The following CDIN1 variants were observed in gnomAD, a reference collection of about 807,000 sequenced individuals.
The protein encoded by CDIN1 is CDAN1 interacting nuclease 1, also known as CDAN1-interacting nuclease 1.
A neutral mutation model predicts 45.3 loss-of-function variants in CDIN1; 33 were observed. That is an observed-to-expected ratio of 0.73 (90% confidence interval 0.55 to 0.97). The LOEUF (loss-of-function observed/expected upper bound fraction) is 0.97. Among genes scored for constraint, CDIN1 ranks in the 50% least tolerant of loss-of-function variants. The pLI is 0.00. For missense variants in CDIN1, 303 were observed against 339.4 expected (o/e 0.89, Z 0.84); for synonymous variants, 118 against 124.4 (o/e 0.95, Z 0.34).
chr15:36,774,381 T>C (rs534998942), intron 10 of CDIN1, among the ~76,000 whole-genome samples: 1 of 152,228 alleles, frequency 6.6e-6, no homozygotes, highest in African/African-American at 2.4e-5. Flanking sequence ...GGGACGTCTG[T>C]ACCATGTGTT....
intron 10 of CDIN1, among the ~76,000 whole-genome samples, chr15:36,722,257 C>T (rs2043446949): frequency 6.7e-6 from 1 of 150,324 alleles, no homozygotes; most frequent in African/African-American, 2.5e-5. Context: ...TCATTGTCAT[C>T]ATGAAAGAGA....
chr15:36,740,734 C>CA (rs2044205311), intron 10 of CDIN1, among the ~76,000 whole-genome samples: 1 of 151,932 alleles, frequency 6.6e-6, no homozygotes, highest in Non-Finnish European at 1.5e-5. Context: ...CGTAAAAATA[C>CA]AAAAATCAGC....
At chr15:36,774,161 T>TGTGTGTGCGC (rs1555407071) in intron 10 of CDIN1, among the ~76,000 whole-genome samples, 1 of 50,622 alleles carries the variant, frequency 2.0e-5, no homozygotes, top group African/African-American at 4.1e-5. Flanking sequence ...TGTGTGTGTG[T>TGTGTGTGCGC]GTGCGCGCGC....
chr15:36,788,511 T>C (rs575314649), intron 10 of CDIN1, among the ~76,000 whole-genome samples: 8 of 152,226 alleles, frequency 5.3e-5, no homozygotes, highest in African/African-American at 1.9e-4. Context: ...AGTTTTAGGA[T>C]ACCTGACCAA....
intron 10 of CDIN1, among the ~76,000 whole-genome samples, chr15:36,735,101 G>T (rs1411773517): frequency 6.6e-6 from 1 of 152,178 alleles, no homozygotes; most frequent in Non-Finnish European, 1.5e-5. Context: ...TCAGTGGATT[G>T]AATAATACTT....
At chr15:36,745,873 G>A (rs1167528829) in intron 10 of CDIN1, among the ~76,000 whole-genome samples, 1 of 152,064 alleles carries the variant, frequency 6.6e-6, no homozygotes, top group South Asian at 2.1e-4. Context: ...GGCTAAGGCA[G>A]GAGAATCGCT....
At chr15:36,646,159 G>A (rs915513890) in intron 3 of CDIN1, among the ~76,000 whole-genome samples, 7 of 152,106 alleles carry the variant, frequency 4.6e-5, no homozygotes, top group African/African-American at 1.4e-4. Flanking sequence ...GAACCTTTCT[G>A]TGGTGAGAAT....
chr15:36,691,136 T>C (rs368668075), intron 5 of CDIN1: 1 of 518,232 alleles, frequency 1.9e-6, no homozygotes, highest in African/African-American at 1.9e-5. Context: ...ACTTGTGGAA[T>C]GGAGATAGGA....
intron 7 of CDIN1, among the ~76,000 whole-genome samples, chr15:36,695,306 G>T (rs543263401): frequency 2.0e-5 from 3 of 152,078 alleles, no homozygotes; most frequent in Non-Finnish European, 2.9e-5. Context: ...ACGTGACCAG[G>T]TTGACGTTAT....
chr15:36,706,976 T>C (rs892787534), intron 8 of CDIN1: 4 of 152,142 alleles, frequency 2.6e-5, no homozygotes, highest in African/African-American at 9.7e-5. Flanking sequence ...CAAGGCCACC[T>C]GTTTCGAAAT....
At position 36,645,152 on chromosome 15, in the gene CDIN1, G is replaced by A. The variant is rs1307151936; in HGVS notation, c.148-71G>A. 21 of 1,238,448 alleles carry A rather than the reference G, an allele frequency of 1.7e-5. No homozygotes were observed. In the South Asian group the frequency reaches 1.7e-4, roughly 10 times the overall value. The allele number at this position is 1,238,448 out of a possible 1,614,324, so 76.7% of individuals were successfully genotyped here. A position where few individuals can be genotyped will look rare whatever the true frequency, so the allele number is the denominator to read the frequency against. ...CTAGTCACTGGGCTCAAGAAATAATGTCATTCTTGTTTTGAACCTCATCTG... is the reference window on the plus strand; with the variant it reads ...CTAGTCACTGGGCTCAAGAAATAATATCATTCTTGTTTTGAACCTCATCTG... On this transcript the variant is annotated intron_variant, in intron 2 of 10. Transcript: ENST00000566621.
At chr15:36,759,564 C>T (rs1246833589) in intron 10 of CDIN1, among the ~76,000 whole-genome samples, 2 of 151,894 alleles carry the variant, frequency 1.3e-5, no homozygotes, top group Non-Finnish European at 2.9e-5. Flanking sequence ...CTAAAAGTTC[C>T]AGATAAACAA....
chr15:36,645,550 G>A (rs1017376788), intron 3 of CDIN1, among the ~76,000 whole-genome samples: 11 of 148,212 alleles, frequency 7.4e-5, no homozygotes, highest in Admixed American at 6.1e-4. Context: ...TATGTGAGAT[G>A]TAGTTATAAT....
chr15:36,681,762 G>A (rs1306322420), intron 5 of CDIN1, among the ~76,000 whole-genome samples: 1 of 152,144 alleles, frequency 6.6e-6, no homozygotes, highest in Non-Finnish European at 1.5e-5. Flanking sequence ...GAATTAAAAT[G>A]ACCCTTAGCC....
intron 1 of CDIN1, chr15:36,594,869 T>A: frequency 1.0e-6 from 1 of 985,272 alleles, no homozygotes; most frequent in Non-Finnish European, 1.2e-6. Context: ...GTTGTTTGGC[T>A]CTTTAATACC....
intron 10 of CDIN1, among the ~76,000 whole-genome samples, chr15:36,740,261 G>T (rs557172116): frequency 4.2e-4 from 64 of 152,214 alleles, no homozygotes; most frequent in Non-Finnish European, 8.8e-4. Flanking sequence ...CTCTTGTGTG[G>T]ACGATAATCA....
At chr15:36,648,427 AT>A (rs4008147) in intron 3 of CDIN1, among the ~76,000 whole-genome samples, 6 of 91,058 alleles carry the variant, frequency 6.6e-5, no homozygotes, top group African/African-American at 2.7e-4. Flanking sequence ...CCAATATTCT[AT>A]TTTTTTTTTT....
chr15:36,801,497 T>C (rs1306148609), intron 10 of CDIN1, among the ~76,000 whole-genome samples: 1 of 122,340 alleles, frequency 8.2e-6, no homozygotes, highest in Admixed American at 7.4e-5. Context: ...GTTTAACAAG[T>C]TCTGAACCTT....
At chr15:36,670,924 GA>G (rs762431499) in intron 5 of CDIN1, among the ~76,000 whole-genome samples, 11 of 152,012 alleles carry the variant, frequency 7.2e-5, no homozygotes, top group Non-Finnish European at 1.0e-4. Flanking sequence ...CACTAAATAA[GA>G]GAGAAAAGAG....
Sources: gnomAD v4.1 joint callset for allele counts (sites outside exome capture counted in the v4.1 genomes callset) on GRCh38, gnomAD v4.1.1 for gene constraint, MANE v1.5 for transcripts, NCBI Gene and HGNC (gene_info 2026-07-23, HGNC 2026-07-21) for gene names.